SAMD12: variants seen among roughly 807,000 people sequenced by gnomAD.
SAMD12 encodes the protein sterile alpha motif domain-containing protein 12.
SAMD12 carries 9 observed loss-of-function variants against 15.0 expected under a neutral mutation model. That is an observed-to-expected ratio of 0.60 (90% CI 0.36 to 1.05). SAMD12 has a LOEUF of 1.05. SAMD12 is among the 50% of genes least tolerant of loss of function. The pLI is 0.01. For synonymous variants in SAMD12, 86 were observed against 90.1 expected (o/e 0.96, Z 0.25); for missense variants, 230 against 234.2 (o/e 0.98, Z 0.12).
At chr8:118,516,456 T>C (rs1350713721) in intron 2 of SAMD12, among the ~76,000 whole-genome samples, 1 of 152,176 alleles carries the variant, frequency 6.6e-6, no homozygotes, top group Non-Finnish European at 1.5e-5. Flanking sequence ...CTAGGAGCTC[T>C]GGGAATATAG....
At chr8:118,135,472 G>T in the SAMD12 span, among the ~76,000 whole-genome samples, 1 of 152,166 alleles carries the variant, frequency 6.6e-6, no homozygotes, top group Non-Finnish European at 1.5e-5. Flanking sequence ...GAGCCACCAT[G>T]CCTGGCCTAT....
intron 2 of SAMD12, among the ~76,000 whole-genome samples, chr8:118,487,821 A>G (rs772259062): frequency 6.6e-6 from 1 of 152,194 alleles, no homozygotes; most frequent in African/African-American, 2.4e-5. Flanking sequence ...TCTCGATCAC[A>G]ATATGGTCCA....
intron 4 of SAMD12, among the ~76,000 whole-genome samples, chr8:118,257,741 G>A (rs915547254): frequency 6.6e-6 from 1 of 152,116 alleles, no homozygotes; most frequent in African/African-American, 2.4e-5. Context: ...GGCCTGGCTG[G>A]TCCAGAATCA....
intron 3 of SAMD12, among the ~76,000 whole-genome samples, chr8:118,382,066 G>T (rs1819703458): frequency 6.6e-6 from 1 of 152,162 alleles, no homozygotes; most frequent in African/African-American, 2.4e-5. Flanking sequence ...AGAAAACAAA[G>T]AATACAGCTT....
the SAMD12 span, among the ~76,000 whole-genome samples, chr8:118,157,242 G>A: frequency 6.6e-6 from 1 of 152,180 alleles, no homozygotes; most frequent in African/African-American, 2.4e-5. Context: ...TTGGACCAGA[G>A]AGACCTAGGC....
At chr8:118,516,215 A>G (rs1311033446) in intron 2 of SAMD12, among the ~76,000 whole-genome samples, 1 of 152,202 alleles carries the variant, frequency 6.6e-6, no homozygotes, top group Non-Finnish European at 1.5e-5. Flanking sequence ...TACCTGTATC[A>G]CACACTTATT....
chr8:118,364,618 C>T (rs962786395), intron 4 of SAMD12, among the ~76,000 whole-genome samples: 4 of 152,108 alleles, frequency 2.6e-5, no homozygotes, highest in East Asian at 1.9e-4. Context: ...AAGTCAACTG[C>T]GGTGAAGCTG....
intron 4 of SAMD12, among the ~76,000 whole-genome samples, chr8:118,305,335 T>C (rs1815284350): frequency 1.3e-5 from 2 of 152,110 alleles, no homozygotes; most frequent in African/African-American, 4.8e-5. Context: ...TATTCTACCT[T>C]CCATTTCCAT....
At chr8:118,601,519 A>C (rs1002438780) in intron 1 of SAMD12, among the ~76,000 whole-genome samples, 1 of 152,176 alleles carries the variant, frequency 6.6e-6, no homozygotes, top group Non-Finnish European at 1.5e-5. Flanking sequence ...ACTGACAAAA[A>C]CTTAACGTGG....
intron 4 of SAMD12, among the ~76,000 whole-genome samples, chr8:118,259,893 G>T (rs138430762): frequency 7.9e-5 from 12 of 152,082 alleles, no homozygotes; most frequent in African/African-American, 2.9e-4. Context: ...TACATTTCAA[G>T]TTTAATGTTA....
At chr8:118,305,578 C>T (rs1815300302) in intron 4 of SAMD12, among the ~76,000 whole-genome samples, 1 of 152,154 alleles carries the variant, frequency 6.6e-6, no homozygotes, top group Admixed American at 6.5e-5. Flanking sequence ...GTGAATAATG[C>T]TGCTGTGAAC....
At chr8:118,176,784 C>T in the SAMD12 span, among the ~76,000 whole-genome samples, 9 of 152,088 alleles carry the variant, frequency 5.9e-5, no homozygotes, top group Non-Finnish European at 1.2e-4. Flanking sequence ...ACAAATTGCA[C>T]ATGTACCCCT....
intron 2 of SAMD12, among the ~76,000 whole-genome samples, chr8:118,470,260 A>ATTTTTT (rs1563879826): frequency 1.5e-5 from 2 of 137,024 alleles, no homozygotes; most frequent in African/African-American, 7.1e-5. Context: ...TTTTTTTTAA[A>ATTTTTT]AAAAAAGGAG....
chr8:118,591,156 C>G (rs1305016124), intron 1 of SAMD12, among the ~76,000 whole-genome samples: 1 of 152,120 alleles, frequency 6.6e-6, no homozygotes, highest in Non-Finnish European at 1.5e-5. Context: ...AAAATATGTA[C>G]TTTTATGGTA....
the SAMD12 span, among the ~76,000 whole-genome samples, chr8:118,181,745 T>C: frequency 3.3e-5 from 5 of 152,194 alleles, no homozygotes; most frequent in Non-Finnish European, 4.4e-5. Context: ...CTGCTTAAGG[T>C]AGTTTGAGTT....
intron 2 of SAMD12, among the ~76,000 whole-genome samples, chr8:118,517,880 A>G (rs1248350940): frequency 6.6e-6 from 1 of 152,164 alleles, no homozygotes; most frequent in Non-Finnish European, 1.5e-5. Flanking sequence ...TGATTCACAC[A>G]TGTAACTGGA....
At chr8:118,255,739 T>G (rs1382899369) in intron 4 of SAMD12, among the ~76,000 whole-genome samples, 35 of 152,062 alleles carry the variant, frequency 2.3e-4, no homozygotes, top group Non-Finnish European at 4.7e-4. Flanking sequence ...CACATTTTCT[T>G]AATCCAGTCT....
intron 2 of SAMD12, among the ~76,000 whole-genome samples, chr8:118,445,991 T>C (rs1261043352): frequency 6.6e-6 from 1 of 152,204 alleles, no homozygotes; most frequent in African/African-American, 2.4e-5. Flanking sequence ...GAAAACGGAA[T>C]GGATTATCGA....
intron 2 of SAMD12, among the ~76,000 whole-genome samples, chr8:118,530,648 G>C (rs2131117306): frequency 6.6e-6 from 1 of 152,166 alleles, no homozygotes; most frequent in African/African-American, 2.4e-5. Context: ...CATTCTGTAG[G>C]TTGTCTCTTC....
Sources: allele counts gnomAD v4.1 joint callset (sites outside exome capture counted in the v4.1 genomes callset), GRCh38; gene constraint gnomAD v4.1.1; transcripts MANE v1.5; gene names NCBI Gene and HGNC (gene_info 2026-07-23, HGNC 2026-07-21).